PTPN3: variants seen among roughly 807,000 people sequenced by gnomAD.
PTPN3 encodes tyrosine-protein phosphatase non-receptor type 3.
In PTPN3, 96 loss-of-function variants were observed where a neutral mutation model predicts 132.7. That is an observed-to-expected ratio of 0.72 (90% CI 0.61 to 0.86). The LOEUF (loss-of-function observed/expected upper bound fraction) is 0.86. PTPN3 is among the 40% of genes least tolerant of loss of function. The pLI is 0.00. For synonymous variants in PTPN3, 398 were observed against 429.0 expected (o/e 0.93, Z 0.89); for missense variants, 1,125 against 1,159.6 (o/e 0.97, Z 0.43).
intron 14 of PTPN3, among the ~76,000 whole-genome samples, chr9:109,416,303 A>T (rs1039774103): frequency 6.6e-6 from 1 of 152,184 alleles, no homozygotes; most frequent in African/African-American, 2.4e-5. Context: ...CTAACGACAG[A>T]GCACACAGCT....
intron 14 of PTPN3, among the ~76,000 whole-genome samples, chr9:109,418,805 T>C (rs749528980): frequency 4.6e-5 from 7 of 152,184 alleles, no homozygotes; most frequent in Non-Finnish European, 8.8e-5. Flanking sequence ...GTGGCTGCTG[T>C]ACTGGACAGG....
chr9:109,514,631 G>T, the PTPN3 span, among the ~76,000 whole-genome samples: 1 of 152,168 alleles, frequency 6.6e-6, no homozygotes. Context: ...GCTCCATCCT[G>T]AAAAATGAGG....
At chr9:109,458,874 TG>T (rs1458499153) in intron 2 of PTPN3, among the ~76,000 whole-genome samples, 1 of 152,252 alleles carries the variant, frequency 6.6e-6, no homozygotes, top group Non-Finnish European at 1.5e-5. Flanking sequence ...TACAATTTAC[TG>T]AACATCTACA....
chr9:109,465,959 C>T (rs1423534189), intron 1 of PTPN3, among the ~76,000 whole-genome samples: 2 of 152,108 alleles, frequency 1.3e-5, no homozygotes, highest in Non-Finnish European at 2.9e-5. Flanking sequence ...TCCAGTTCAT[C>T]GTCAGTGCTC....
At chr9:109,535,445 G>C in the PTPN3 span, among the ~76,000 whole-genome samples, 1 of 152,162 alleles carries the variant, frequency 6.6e-6, no homozygotes, top group Non-Finnish European at 1.5e-5. Flanking sequence ...AGACATTCCA[G>C]GCTTGCAAGA....
intron 18 of PTPN3, among the ~76,000 whole-genome samples, chr9:109,405,344 C>T (rs538911998): frequency 6.6e-6 from 1 of 152,012 alleles, no homozygotes; most frequent in East Asian, 1.9e-4. Flanking sequence ...GGAGCAGAGC[C>T]GAGGCAGGAG....
intron 1 of PTPN3, among the ~76,000 whole-genome samples, chr9:109,478,016 G>A (rs1443786516): frequency 6.6e-6 from 1 of 152,220 alleles, no homozygotes; most frequent in East Asian, 1.9e-4. Flanking sequence ...GGTGTAGCAG[G>A]GGCCTGGATC....
At chr9:109,522,033 A>G in the PTPN3 span, among the ~76,000 whole-genome samples, 21 of 152,170 alleles carry the variant, frequency 1.4e-4, no homozygotes, top group Non-Finnish European at 1.2e-4. Context: ...TTAGCGAGTT[A>G]TAATGGGGAC....
chr9:109,387,600 A>C (rs1285366039), intron 22 of PTPN3, among the ~76,000 whole-genome samples: 1 of 152,112 alleles, frequency 6.6e-6, no homozygotes, highest in Non-Finnish European at 1.5e-5. Context: ...AAACAATCCC[A>C]AAAGACAGGC....
chr9:109,491,199 C>CAAA (rs377168790), intron 1 of PTPN3, among the ~76,000 whole-genome samples: 43 of 118,208 alleles, frequency 3.6e-4, no homozygotes, highest in African/African-American at 1.3e-3. Flanking sequence ...CACTCTCTCT[C>CAAA]AAAAAAAAAA....
intron 5 of PTPN3, among the ~76,000 whole-genome samples, chr9:109,453,134 C>T (rs2132015571): frequency 6.6e-6 from 1 of 152,220 alleles, no homozygotes; most frequent in South Asian, 2.1e-4. Flanking sequence ...CAGTCAAATT[C>T]CCAGTGTCTG....
intron 7 of PTPN3, 49 bp from the exon 8 acceptor site, chr9:109,438,283 A>G (rs374467444): frequency 8.3e-6 from 13 of 1,569,544 alleles, no homozygotes; most frequent in Non-Finnish European, 1.1e-5. Flanking sequence ...TGCCTTTTTA[A>G]TATGGTTTGC....
intron 9 of PTPN3, among the ~76,000 whole-genome samples, chr9:109,434,527 T>A (rs1357750924): frequency 6.6e-6 from 1 of 152,222 alleles, no homozygotes; most frequent in Non-Finnish European, 1.5e-5. Flanking sequence ...AGGCTGGTCT[T>A]GAACTCCTGG....
At chr9:109,431,398 C>T (rs1245038005) in intron 10 of PTPN3, among the ~76,000 whole-genome samples, 1 of 152,210 alleles carries the variant, frequency 6.6e-6, no homozygotes, top group Non-Finnish European at 1.5e-5. Context: ...CTGGAGGAAG[C>T]CCCCGGCATC....
chr9:109,398,181 C>G (rs561562526), intron 19 of PTPN3, among the ~76,000 whole-genome samples: 2 of 152,042 alleles, frequency 1.3e-5, no homozygotes, highest in African/African-American at 4.8e-5. Context: ...AGCCAAGGCA[C>G]GAGAATCACT....
chr9:109,435,302 G>A (rs1843961073), intron 9 of PTPN3, among the ~76,000 whole-genome samples: 2 of 152,150 alleles, frequency 1.3e-5, no homozygotes, highest in African/African-American at 4.8e-5. Flanking sequence ...GGCAGAACTC[G>A]GTGACTAGTT....
chr9:109,437,363 T>A (rs1012464275), intron 8 of PTPN3, among the ~76,000 whole-genome samples: 1 of 152,210 alleles, frequency 6.6e-6, no homozygotes, highest in African/African-American at 2.4e-5. Flanking sequence ...GGCCCCGTAC[T>A]ATTTTAGGAG....
chr9:109,451,431 T>G (rs1162541560), intron 5 of PTPN3: 1 of 928,668 alleles, frequency 1.1e-6, no homozygotes, highest in East Asian at 1.2e-4. Flanking sequence ...ACCAGTGAAT[T>G]TTAGAAGAGA....
intron 1 of PTPN3, among the ~76,000 whole-genome samples, chr9:109,480,331 ATTTTTGTAT>A (rs1434648210): frequency 6.6e-6 from 1 of 151,818 alleles, no homozygotes; most frequent in Non-Finnish European, 1.5e-5. Context: ...CACCTGGCTA[ATTTTTGTAT>A]TTTTTGTAGA....
Sources: gnomAD v4.1 joint callset for allele counts (sites outside exome capture counted in the v4.1 genomes callset) on GRCh38, gnomAD v4.1.1 for gene constraint, MANE v1.5 for transcripts, NCBI Gene and HGNC (gene_info 2026-07-23, HGNC 2026-07-21) for gene names.